NGEF: variants seen among roughly 807,000 people sequenced by gnomAD.
NGEF encodes the protein ephexin-1.
Under a neutral mutation model 80.9 loss-of-function variants are expected in NGEF, and 31 were observed. The observed-to-expected ratio is 0.38, with a 90% CI of 0.29 to 0.52. The LOEUF is 0.52. Among genes scored for constraint, NGEF ranks in the 20% least tolerant of loss-of-function variants. NGEF has a pLI of 0.84. For missense variants in NGEF, 709 were observed against 926.2 expected (o/e 0.77, Z 3.04); for synonymous variants, 371 against 370.2 (o/e 1.00, Z -0.03).
At chr2:232,970,576 C>A (rs2106321199) in intron 2 of NGEF, among the ~76,000 whole-genome samples, 1 of 152,160 alleles carries the variant, frequency 6.6e-6, no homozygotes, top group Non-Finnish European at 1.5e-5. Context: ...CACCTGTAAT[C>A]CCATCGCTTT....
At chr2:232,982,019 G>A (rs1373823318) in intron 1 of NGEF, among the ~76,000 whole-genome samples, 4 of 152,174 alleles carry the variant, frequency 2.6e-5, no homozygotes, top group Non-Finnish European at 5.9e-5. Context: ...CATTGCAGGG[G>A]AGGTACTGGT....
At chr2:233,009,421 C>A (rs972526075) in intron 1 of NGEF, among the ~76,000 whole-genome samples, 1 of 151,952 alleles carries the variant, frequency 6.6e-6, no homozygotes, top group South Asian at 2.1e-4. Flanking sequence ...TCTGAATTTG[C>A]GATCCTCCCA....
At chr2:232,927,472 C>T (rs1290616064) in intron 3 of NGEF, among the ~76,000 whole-genome samples, 1 of 152,144 alleles carries the variant, frequency 6.6e-6, no homozygotes, top group Non-Finnish European at 1.5e-5. Flanking sequence ...CTTGGCGCAC[C>T]GTGCCCACTC....
chr2:232,958,639 G>A (rs1340100373), intron 3 of NGEF, among the ~76,000 whole-genome samples: 1 of 152,108 alleles, frequency 6.6e-6, no homozygotes, highest in Non-Finnish European at 1.5e-5. Flanking sequence ...CAACCTCCCG[G>A]AAAAGGAGAC....
At chr2:232,942,614 C>T (rs1482358250) in intron 3 of NGEF, among the ~76,000 whole-genome samples, 9 of 152,270 alleles carry the variant, frequency 5.9e-5, no homozygotes, top group South Asian at 2.1e-4. Context: ...GTCCAACTCA[C>T]GCCTGTAATC....
At position 233,005,919 on chromosome 2, in the gene NGEF, C is replaced by T. The variant is rs538222227; in HGVS notation, c.-75+7149G>A. ...GCAACCTCTGCCTCCTGGGTTCAAG[C>T]GATTCTCCTGCCTCAGCCTCCCAAG... On this transcript the variant is annotated intron_variant, in intron 1 of 14. Coordinates refer to ENST00000264051, the MANE Select transcript of NGEF (RefSeq NM_019850.3). 1.4e-4 allele frequency among the ~76,000 whole-genome samples: 21 copies of T among 152,294 alleles called. No homozygotes were observed. In the East Asian group the frequency reaches 3.1e-3, roughly 22 times the overall value.
intron 5 of NGEF, among the ~76,000 whole-genome samples, chr2:232,902,513 C>A (rs1298439721): frequency 6.6e-6 from 1 of 152,106 alleles, no homozygotes; most frequent in Non-Finnish European, 1.5e-5. Flanking sequence ...GGGATGCAGG[C>A]GCTGGGGGCC....
At chr2:232,984,225 C>T (rs187797782) in intron 1 of NGEF, among the ~76,000 whole-genome samples, 6 of 151,972 alleles carry the variant, frequency 3.9e-5, no homozygotes, top group Admixed American at 6.6e-5. Flanking sequence ...GCGAGGACTA[C>T]AGGCACATAC....
chr2:232,995,772 A>ATATACATATATGTATATGTATAATATATG, intron 1 of NGEF, among the ~76,000 whole-genome samples: 1 of 146,820 alleles, frequency 6.8e-6, no homozygotes, highest in East Asian at 2.0e-4. Flanking sequence ...ATATGTATTC[A>ATATACATATATGTATATGTATAATATATG]TATACATATA....
chr2:232,917,254 T>C (rs140708927), intron 5 of NGEF, among the ~76,000 whole-genome samples: 2 of 152,258 alleles, frequency 1.3e-5, no homozygotes, highest in African/African-American at 4.8e-5. Flanking sequence ...ACTGTAAAAA[T>C]CTATAAGGAT....
chr2:232,941,074 G>A (rs1693428470), intron 3 of NGEF, among the ~76,000 whole-genome samples: 1 of 152,170 alleles, frequency 6.6e-6, no homozygotes, highest in South Asian at 2.1e-4. Flanking sequence ...GGATAATTTG[G>A]TGGGTGGGGA....
chr2:232,939,175 CAAAAAAAAAA>C (rs60357492), intron 3 of NGEF, among the ~76,000 whole-genome samples: 6 of 66,074 alleles, frequency 9.1e-5, no homozygotes, highest in Non-Finnish European at 1.4e-4. Flanking sequence ...GACTCAGTCT[CAAAAAAAAAA>C]AAAAAAAAAA....
intron 1 of NGEF, among the ~76,000 whole-genome samples, chr2:233,005,784 T>C (rs1559245736): frequency 1.3e-5 from 2 of 152,274 alleles, no homozygotes; most frequent in East Asian, 3.9e-4. Context: ...TCTTGTCTTC[T>C]AGAATTGTAA....
chr2:233,012,087 G>A (rs1354666575), intron 1 of NGEF, among the ~76,000 whole-genome samples: 1 of 152,142 alleles, frequency 6.6e-6, no homozygotes, highest in Admixed American at 6.5e-5. Context: ...GAGAGAGAGA[G>A]AGAGAGAAAG....
chr2:232,884,744 C>T (rs1244068024), intron 10 of NGEF, among the ~76,000 whole-genome samples: 5 of 152,160 alleles, frequency 3.3e-5, no homozygotes, highest in South Asian at 2.1e-4. Flanking sequence ...CCCAGAAGAC[C>T]GCCTCTGCCT....
At chr2:232,885,649 T>C in intron 9 of NGEF, 1 of 436,486 alleles carries the variant, frequency 2.3e-6, no homozygotes, top group Non-Finnish European at 4.2e-6. Context: ...GAGGCATCCC[T>C]CCTCCTCTGT....
At chr2:232,908,235 T>C (rs1692620096) in intron 5 of NGEF, among the ~76,000 whole-genome samples, 2 of 152,270 alleles carry the variant, frequency 1.3e-5, no homozygotes, top group African/African-American at 4.8e-5. Flanking sequence ...CCTAACTTTT[T>C]GCTGGGATGA....
At chr2:232,881,747 C>T (rs709938) in intron 13 of NGEF, among the ~76,000 whole-genome samples, 94,798 of 151,938 alleles carry the variant, frequency 0.62, 29,864 homozygotes, top group African/African-American at 0.67. Flanking sequence ...CCTGGCTATT[C>T]CGTATTTTTA....
intron 3 of NGEF, among the ~76,000 whole-genome samples, chr2:232,938,153 G>C (rs1044411279): frequency 2.0e-5 from 3 of 152,142 alleles, no homozygotes; most frequent in Non-Finnish European, 4.4e-5. Flanking sequence ...AGATTGCTAC[G>C]CTGAATTCAT....
Sources: gnomAD v4.1 joint callset for allele counts (sites outside exome capture counted in the v4.1 genomes callset) on GRCh38, gnomAD v4.1.1 for gene constraint, MANE v1.5 for transcripts, NCBI Gene and HGNC (gene_info 2026-07-23, HGNC 2026-07-21) for gene names.